CERS3: variants seen among roughly 807,000 people sequenced by gnomAD.
The protein encoded by CERS3 is LAG1 homolog, ceramide synthase 3.
Under a neutral mutation model 50.3 loss-of-function variants are expected in CERS3, and 33 were observed. That is an observed-to-expected ratio of 0.66 (90% CI 0.50 to 0.88). The LOEUF (loss-of-function observed/expected upper bound fraction) is 0.88. Ranked by LOEUF, CERS3 falls within the 40% of genes least tolerant of loss-of-function variation. The pLI, the probability that CERS3 is intolerant of heterozygous loss-of-function variation, is 0.00. For missense variants in CERS3, 470 were observed against 460.3 expected, an observed-to-expected ratio of 1.02 and a Z score of -0.19; for synonymous variants, 176 against 155.2, an observed-to-expected ratio of 1.13 and a Z score of -0.99.
At chr15:100,417,236 G>C (rs796540074) in intron 11 of CERS3, among the ~76,000 whole-genome samples, 4 of 151,732 alleles carry the variant, frequency 2.6e-5, no homozygotes, top group East Asian at 1.9e-4. Context: ...CACCGTGCGT[G>C]AGCCGAAGCA....
intron 3 of CERS3, among the ~76,000 whole-genome samples, chr15:100,500,890 G>A (rs1255167749): frequency 6.6e-6 from 1 of 152,148 alleles, no homozygotes; most frequent in Non-Finnish European, 1.5e-5. Context: ...TGGACAAAAT[G>A]ATCTCTATCA....
At chr15:100,440,464 C>A (rs1393846756) in intron 11 of CERS3, among the ~76,000 whole-genome samples, 1 of 152,202 alleles carries the variant, frequency 6.6e-6, no homozygotes, top group Non-Finnish European at 1.5e-5. Context: ...CCTTTACCTA[C>A]CCAAATCCTA....
chr15:100,471,658 A>AC (rs1033671074), intron 9 of CERS3, among the ~76,000 whole-genome samples: 1 of 152,238 alleles, frequency 6.6e-6, no homozygotes, highest in Non-Finnish European at 1.5e-5. Context: ...TCCAGACAGC[A>AC]CCATACAGAA....
intron 10 of CERS3, among the ~76,000 whole-genome samples, chr15:100,466,346 G>T (rs2034715060): frequency 6.6e-6 from 1 of 152,198 alleles, no homozygotes; most frequent in Non-Finnish European, 1.5e-5. Context: ...CAATATTGCA[G>T]AAACTTCTCA....
intron 11 of CERS3, among the ~76,000 whole-genome samples, chr15:100,445,634 G>C (rs2033902824): frequency 6.6e-6 from 1 of 151,984 alleles, no homozygotes; most frequent in African/African-American, 2.4e-5. Context: ...TCTTCCTTCA[G>C]CTTAATCTCT....
At chr15:100,542,158 A>C (rs1021473845) in intron 1 of CERS3, among the ~76,000 whole-genome samples, 44 of 152,210 alleles carry the variant, frequency 2.9e-4, no homozygotes, top group Admixed American at 9.2e-4. Flanking sequence ...TTTTATCAAA[A>C]CTGAAATGAA....
chr15:100,413,773 GA>G lies in CERS3; in HGVS notation c.1000-10909del, dbSNP rs56131548. On this transcript the variant is annotated intron_variant, in intron 11 of 11. Transcript: ENST00000679737. ...AACCACCAACCCCACAGAAATACAA[GA>G]AAAAAAAAAAAACCCTTACAGACTA... 4.7e-3 allele frequency among the ~76,000 whole-genome samples: 650 copies of G among 137,346 alleles called. 3 individuals carry two copies. Among genetic ancestry groups the G allele is most frequent in the African/African-American group, 0.016 (600 of 36,838 alleles). The allele number at this position is 137,346 out of a possible 152,430, so 90.1% of individuals were successfully genotyped here.
rs532661405 is a variant in CERS3 at position 100,423,232 on chromosome 15, C to T, written c.1000-20367G>A. On this transcript the variant is annotated intron_variant, in intron 11 of 11. Coordinates refer to ENST00000679737, the MANE Select transcript of CERS3 (RefSeq NM_001378789.1). ...TGGAGATTTCTCAAAGAACTTAAAA[C>T]AGAACTTCCATTCAACCCAGCAATC... Among the ~76,000 whole-genome samples the T allele has an allele frequency of 2.4e-4, 36 of 152,202 alleles. 1 individual carries two copies. The highest frequency in any genetic ancestry group is 7.7e-4 in the African/African-American group (32 of 41,558).
intron 2 of CERS3, among the ~76,000 whole-genome samples, chr15:100,503,503 G>T (rs1412812408): frequency 6.6e-6 from 1 of 152,206 alleles, no homozygotes; most frequent in Non-Finnish European, 1.5e-5. Context: ...CCACTGAAGG[G>T]TATTATGAAG....
rs577466156 is a variant in CERS3 at position 100,400,564 on chromosome 15, G to C, written c.*2149C>G. 4 of 152,156 alleles carry C rather than the reference G, an allele frequency of 2.6e-5. No homozygotes were observed. In the East Asian group the frequency reaches 5.8e-4, roughly 22 times the overall value. The allele number at this position is 152,156 out of a possible 1,614,324, so 9.4% of individuals were successfully genotyped here. A position where few individuals can be genotyped will look rare whatever the true frequency, so the allele number is the denominator to read the frequency against. On this transcript the variant is annotated 3_prime_UTR_variant, in exon 12 of 12. Coordinates refer to ENST00000679737, the MANE Select transcript of CERS3 (RefSeq NM_001378789.1). ...GCCCTAAATAGTGTTACAAAAATGA[G>C]TATCTACTTCTTATGAAGTAGTTTA...
chr15:100,469,479 A>G lies in CERS3; in HGVS notation c.744T>C (p.Ala248=). ...HDVADIWLES[A]KMFSYAGWTQ... is the part of the protein sequence containing the mutation. ...TCCATCCAGCATAAGAAAACATCTTAGCAGACTGCAAAAAAGAAAGAAACT... is the reference window on the plus strand; with the variant it reads ...TCCATCCAGCATAAGAAAACATCTTGGCAGACTGCAAAAAAGAAAGAAACT... Residue 248 remains alanine, a synonymous_variant, in exon 10 of 12, where the codon GCT becomes GCC. Transcript: ENST00000679737. The G allele has an allele frequency of 6.2e-7, 1 of 1,607,444 alleles. No individual in the cohort carries two copies. The highest frequency in any genetic ancestry group is 1.1e-5 in the South Asian group (1 of 90,274).
chr15:100,501,634 G>T, intron 3 of CERS3, 43 bp downstream of exon 3: 1 of 1,512,224 alleles, frequency 6.6e-7, no homozygotes, highest in Non-Finnish European at 9.2e-7. Context: ...TAGTGTTAGA[G>T]CAAAGAGGGG....
At chr15:100,542,897 C>T (rs994184757) in intron 1 of CERS3, among the ~76,000 whole-genome samples, 3 of 151,806 alleles carry the variant, frequency 2.0e-5, no homozygotes, top group Non-Finnish European at 4.4e-5. Context: ...ACTCTGTTGC[C>T]TATTCAGGTC....
rs369349694 is a variant in CERS3, at chr15:100,480,051, C to T, written c.408-5G>A. ...AAGTAAAATGCAAATCTCCAGCTGC[C>T]AAAAGAAAGAAAAATCTTTACTCCC... On this transcript the variant is annotated splice_polypyrimidine_tract_variant and splice_region_variant and intron_variant, in intron 5 of 11. Transcript: ENST00000679737. 2.5e-6 allele frequency: 4 copies of T among 1,607,112 alleles called. No homozygotes were observed. In the African/African-American group the frequency reaches 5.4e-5, roughly 22 times the overall value.
chr15:100,480,985 AT>A (rs1395491640), intron 5 of CERS3, among the ~76,000 whole-genome samples: 1 of 152,202 alleles, frequency 6.6e-6, no homozygotes, highest in Non-Finnish European at 1.5e-5. Context: ...AACGTTCCAA[AT>A]AAAAAGTTTT....
At chr15:100,422,975 T>C (rs1262837028) in intron 11 of CERS3, among the ~76,000 whole-genome samples, 1 of 150,040 alleles carries the variant, frequency 6.7e-6, no homozygotes, top group East Asian at 2.0e-4. Context: ...TCCGGAGATA[T>C]ACCTAATGCT....
At chr15:100,513,918 A>G (rs1342844944) in intron 2 of CERS3, among the ~76,000 whole-genome samples, 1 of 152,168 alleles carries the variant, frequency 6.6e-6, no homozygotes, top group Non-Finnish European at 1.5e-5. Context: ...AGCATCTATA[A>G]GATCCTCATC....
chr15:100,460,024 T>A (rs1207919305), intron 10 of CERS3, among the ~76,000 whole-genome samples: 1 of 152,230 alleles, frequency 6.6e-6, no homozygotes, highest in African/African-American at 2.4e-5. Flanking sequence ...ACACTATTTT[T>A]AAATTATGTT....
Position 100,490,841 on chromosome 15 carries a change from T to C in CERS3, c.264A>G (p.Lys88=), listed in dbSNP as rs1596752218. ...TPNTVLENFF[K]HSTRQPLQTD... ...CTTGCAATGGTTGCCTTGTGGAATG[T>C]TTGAAAAAATTCTCTAAGACAGTAT... Residue 88 remains lysine (K), a synonymous_variant, in exon 4 of 12, where the codon AAA becomes AAG. Coordinates refer to ENST00000679737, the MANE Select transcript of CERS3 (RefSeq NM_001378789.1). 2 of 1,610,212 alleles carry C rather than the reference T, an allele frequency of 1.2e-6. No homozygotes were observed. The highest frequency in any genetic ancestry group is 1.3e-5 in the African/African-American group (1 of 74,792).
Sources: allele counts gnomAD v4.1 joint callset (sites outside exome capture counted in the v4.1 genomes callset), GRCh38; gene constraint gnomAD v4.1.1; transcripts MANE v1.5; gene names NCBI Gene and HGNC (gene_info 2026-07-23, HGNC 2026-07-21).